The following LPP variants were observed in gnomAD, a reference collection of about 807,000 sequenced individuals.
The protein encoded by LPP is lipoma-preferred partner.
In LPP, 38 loss-of-function variants were observed where a neutral mutation model predicts 60.4. The ratio of observed to expected loss-of-function variants is 0.63; its 90% CI spans 0.49 to 0.83. The LOEUF is 0.83. Among genes scored for constraint, LPP ranks in the 40% least tolerant of loss-of-function variants. The pLI, the probability that LPP is intolerant of heterozygous loss-of-function variation, is 0.00. For missense variants in LPP, 902 were observed against 783.6 expected, an observed-to-expected ratio of 1.15 and a Z score of -1.80; for synonymous variants, 328 against 290.8, an observed-to-expected ratio of 1.13 and a Z score of -1.30.
intron 6 of LPP, among the ~76,000 whole-genome samples, chr3:188,579,044 G>T (rs1260112505): frequency 1.3e-5 from 2 of 152,130 alleles, no homozygotes; most frequent in Non-Finnish European, 2.9e-5. Flanking sequence ...AAAAAAGGGG[G>T]TAGTGGGAGA....
chr3:188,589,501 T>G (rs1189273613), intron 6 of LPP, among the ~76,000 whole-genome samples: 1 of 152,220 alleles, frequency 6.6e-6, no homozygotes, highest in African/African-American at 2.4e-5. Flanking sequence ...TCTCAATGCC[T>G]GCATGATTTT....
chr3:188,867,531 A>G (rs1766984724), intron 10 of LPP, among the ~76,000 whole-genome samples: 1 of 151,832 alleles, frequency 6.6e-6, no homozygotes, highest in African/African-American at 2.4e-5. Context: ...TTTAGTAGAG[A>G]TGGGGTTTCG....
chr3:188,585,478 C>T (rs557716784), intron 6 of LPP, among the ~76,000 whole-genome samples: 28 of 152,222 alleles, frequency 1.8e-4, no homozygotes, highest in African/African-American at 6.3e-4. Context: ...AAAAGATTTT[C>T]TCACAACTCT....
intron 8 of LPP, among the ~76,000 whole-genome samples, chr3:188,733,978 A>G (rs1218440937): frequency 6.6e-6 from 1 of 151,880 alleles, no homozygotes; most frequent in Non-Finnish European, 1.5e-5. Flanking sequence ...CCTTAGTGGA[A>G]CTTTCCTAAG....
intron 8 of LPP, among the ~76,000 whole-genome samples, chr3:188,728,964 TATG>T (rs1231633215): frequency 6.6e-6 from 1 of 151,986 alleles, no homozygotes; most frequent in African/African-American, 2.4e-5. Flanking sequence ...ATAAAAAATA[TATG>T]ATAATCCCTT....
chr3:188,667,530 C>T (rs1856062668), intron 7 of LPP, among the ~76,000 whole-genome samples: 1 of 151,504 alleles, frequency 6.6e-6, no homozygotes, highest in South Asian at 2.1e-4. Flanking sequence ...CTTTTGACAG[C>T]TCCCACCCCA....
At chr3:188,701,944 C>CTTTTTTT (rs35803152) in intron 7 of LPP, among the ~76,000 whole-genome samples, 77 of 83,580 alleles carry the variant, frequency 9.2e-4, no homozygotes, top group Middle Eastern at 0.012. Context: ...GTTTTTTTCC[C>CTTTTTTT]TTTTTTTTTT....
chr3:188,332,732 G>T (rs529837514), intron 2 of LPP, among the ~76,000 whole-genome samples: 1 of 152,146 alleles, frequency 6.6e-6, no homozygotes, highest in Non-Finnish European at 1.5e-5. Flanking sequence ...CTGCTTCATC[G>T]AACATTTTTG....
At chr3:188,358,771 C>T (rs991476591) in intron 3 of LPP, among the ~76,000 whole-genome samples, 1 of 152,114 alleles carries the variant, frequency 6.6e-6, no homozygotes, top group Non-Finnish European at 1.5e-5. Flanking sequence ...GTTCCAAAAG[C>T]ATATTCGCAA....
At chr3:188,254,717 G>GA in intron 2 of LPP, among the ~76,000 whole-genome samples, 1 of 148,512 alleles carries the variant, frequency 6.7e-6, no homozygotes, top group African/African-American at 2.6e-5. Context: ...ACACACAGTG[G>GA]ATAGGATTCC....
chr3:188,606,027 T>A (rs1391462658), intron 6 of LPP, among the ~76,000 whole-genome samples: 1 of 152,140 alleles, frequency 6.6e-6, no homozygotes, highest in Non-Finnish European at 1.5e-5. Context: ...AAGACCATAG[T>A]ACTCTGTTGA....
intron 6 of LPP, among the ~76,000 whole-genome samples, chr3:188,584,801 A>T (rs566686130): frequency 5.3e-5 from 8 of 151,578 alleles, no homozygotes; most frequent in Admixed American, 5.3e-4. Flanking sequence ...GGAGCCCCAG[A>T]TCTCTTCTTT....
At chr3:188,474,403 C>CATTGACATGCATTGACATGT (rs147132912) in intron 4 of LPP, among the ~76,000 whole-genome samples, 28 of 152,284 alleles carry the variant, frequency 1.8e-4, no homozygotes, top group African/African-American at 6.7e-4. Flanking sequence ...CATTGACATG[C>CATTGACATGCATTGACATGT]ATTGACATGC....
intron 9 of LPP, among the ~76,000 whole-genome samples, chr3:188,853,724 C>T (rs886387037): frequency 1.3e-5 from 2 of 152,278 alleles, no homozygotes; most frequent in East Asian, 1.9e-4. Context: ...CTTCCATCTA[C>T]AATCTTTCTT....
chr3:188,605,188 G>A (rs1441839334), intron 6 of LPP, among the ~76,000 whole-genome samples: 5 of 152,112 alleles, frequency 3.3e-5, no homozygotes, highest in African/African-American at 1.2e-4. Context: ...AAAAACAGTC[G>A]TGGACATTGG....
intron 9 of LPP, among the ~76,000 whole-genome samples, chr3:188,828,523 G>A (rs1168664728): frequency 7.0e-6 from 1 of 143,820 alleles, no homozygotes; most frequent in African/African-American, 2.6e-5. Context: ...GCTGAGGCAG[G>A]AGAATTGCTT....
intron 2 of LPP, among the ~76,000 whole-genome samples, chr3:188,341,255 CT>C (rs1762975612): frequency 6.6e-6 from 1 of 152,202 alleles, no homozygotes; most frequent in Non-Finnish European, 1.5e-5. Context: ...GGAAGGATTA[CT>C]GGACTAGCAG....
chr3:188,888,624 G>A lies in LPP; in HGVS notation c.*14145G>A. ...CTTTTAGATTTACTGCCTTCAAAAA[G>A]TGCCTATTCTGAGCAACATAAACGT... On this transcript the variant is annotated 3_prime_UTR_variant, in exon 12 of 12. Coordinates refer to ENST00000617246, the MANE Select transcript of LPP (RefSeq NM_001375462.1). 4.5e-6 allele frequency: 1 copy of A among 223,728 alleles called. No homozygotes were observed. The highest frequency in any genetic ancestry group is 8.9e-6 in the Non-Finnish European group (1 of 111,934). The allele number at this position is 223,728 out of a possible 1,614,324, so 13.9% of individuals were successfully genotyped here.
chr3:188,791,195 C>G (rs577738020), intron 9 of LPP, among the ~76,000 whole-genome samples: 8 of 152,164 alleles, frequency 5.3e-5, no homozygotes, highest in African/African-American at 1.9e-4. Context: ...AGATCAAGGT[C>G]CTGCTCTGGG....
Sources: allele counts gnomAD v4.1 joint callset (sites outside exome capture counted in the v4.1 genomes callset), GRCh38; gene constraint gnomAD v4.1.1; transcripts MANE v1.5; gene names NCBI Gene and HGNC (gene_info 2026-07-23, HGNC 2026-07-21).